The following MIPOL1 variants were observed in gnomAD, a reference collection of about 807,000 sequenced individuals.
MIPOL1 encodes the protein mirror-image polydactyly 1.
MIPOL1 carries 57 observed loss-of-function variants against 60.9 expected under a neutral mutation model. The observed-to-expected ratio is 0.94, with a 90% CI of 0.76 to 1.17. MIPOL1 has a LOEUF of 1.17. Among genes scored for constraint, MIPOL1 ranks in the 50% most tolerant of loss-of-function variants. The pLI is 0.00. For missense variants in MIPOL1, 551 were observed against 511.6 expected (o/e 1.08, Z -0.74); for synonymous variants, 179 against 168.8 (o/e 1.06, Z -0.47).
At chr14:37,460,124 T>C (rs1001865672) in intron 11 of MIPOL1, among the ~76,000 whole-genome samples, 1 of 146,486 alleles carries the variant, frequency 6.8e-6, no homozygotes, top group African/African-American at 2.6e-5. Flanking sequence ...AATAAAATTC[T>C]AGCAAAGCAA....
intron 11 of MIPOL1, among the ~76,000 whole-genome samples, chr14:37,468,571 G>A (rs573058794): frequency 2.0e-5 from 3 of 152,262 alleles, no homozygotes; most frequent in Admixed American, 6.5e-5. Context: ...ACAGATTCTT[G>A]TCATCCACTA....
At chr14:37,464,960 A>G (rs2094580992) in intron 11 of MIPOL1, among the ~76,000 whole-genome samples, 1 of 152,120 alleles carries the variant, frequency 6.6e-6, no homozygotes, top group African/African-American at 2.4e-5. Context: ...AACTTATTTC[A>G]GTGAAGTTTT....
chr14:37,370,495 G>GT (rs888571291), intron 10 of MIPOL1, among the ~76,000 whole-genome samples: 4 of 151,982 alleles, frequency 2.6e-5, no homozygotes, highest in East Asian at 1.9e-4. Flanking sequence ...TCTTAAATTT[G>GT]TTTTTTTGCT....
chr14:37,504,136 G>A (rs1316170491), intron 12 of MIPOL1: 1 of 152,114 alleles, frequency 6.6e-6, no homozygotes, highest in Non-Finnish European at 1.5e-5. Context: ...AAGAGACTTA[G>A]ACTCCCACAC....
intron 9 of MIPOL1, among the ~76,000 whole-genome samples, chr14:37,341,829 A>G (rs2090595665): frequency 6.6e-6 from 1 of 152,218 alleles, no homozygotes; most frequent in South Asian, 2.1e-4. Flanking sequence ...ATGTATACAT[A>G]CAGTAAAAAT....
At chr14:37,265,475 T>G (rs573058230) in intron 3 of MIPOL1, among the ~76,000 whole-genome samples, 22 of 152,242 alleles carry the variant, frequency 1.4e-4, no homozygotes, top group Admixed American at 1.3e-3. Flanking sequence ...ACACTGTAAG[T>G]TTTCAATGAA....
intron 1 of MIPOL1, among the ~76,000 whole-genome samples, chr14:37,224,444 C>G (rs565117958): frequency 6.6e-6 from 1 of 152,282 alleles, no homozygotes; most frequent in South Asian, 2.1e-4. Flanking sequence ...GATGGAGAGG[C>G]CTCACAATCG....
intron 11 of MIPOL1, among the ~76,000 whole-genome samples, chr14:37,447,245 C>G (rs2094351340): frequency 1.3e-5 from 2 of 151,904 alleles, no homozygotes; most frequent in Non-Finnish European, 2.9e-5. Context: ...AACATTAACC[C>G]TAACCTCACA....
At chr14:37,538,803 G>C (rs1476868868) in intron 12 of MIPOL1, among the ~76,000 whole-genome samples, 1 of 152,178 alleles carries the variant, frequency 6.6e-6, no homozygotes. Context: ...TTGAGAGTGA[G>C]ATCGCACATC....
intron 3 of MIPOL1, 87 bp from the exon 4 acceptor site, chr14:37,266,851 T>C: frequency 1.1e-6 from 1 of 896,954 alleles, no homozygotes; most frequent in South Asian, 1.6e-5. Context: ...CTAAAGAGTG[T>C]TTCCAAAAAT....
At chr14:37,450,263 GCA>G (rs1286949394) in intron 11 of MIPOL1, among the ~76,000 whole-genome samples, 3 of 152,186 alleles carry the variant, frequency 2.0e-5, no homozygotes, top group East Asian at 3.9e-4. Flanking sequence ...CCAGTTTGCT[GCA>G]CAGTTTTCAT....
At chr14:37,447,925 T>G (rs1025185894) in intron 11 of MIPOL1, among the ~76,000 whole-genome samples, 1 of 152,140 alleles carries the variant, frequency 6.6e-6, no homozygotes, top group Non-Finnish European at 1.5e-5. Flanking sequence ...GTAGGTGAAC[T>G]AAAGAGATCA....
chr14:37,411,979 C>T (rs547282428), intron 10 of MIPOL1, among the ~76,000 whole-genome samples: 1 of 152,158 alleles, frequency 6.6e-6, no homozygotes, highest in African/African-American at 2.4e-5. Context: ...TTTATCATTG[C>T]ATAATAATCC....
intron 9 of MIPOL1, among the ~76,000 whole-genome samples, chr14:37,331,736 T>A (rs778714888): frequency 2.6e-5 from 4 of 152,218 alleles, no homozygotes; most frequent in Non-Finnish European, 5.9e-5. Flanking sequence ...CAATTCTTTC[T>A]TTCCAGTTCG....
At chr14:37,485,164 G>A (rs1051468493) in intron 11 of MIPOL1, among the ~76,000 whole-genome samples, 2 of 152,114 alleles carry the variant, frequency 1.3e-5, no homozygotes, top group African/African-American at 4.8e-5. Context: ...CCCTGCAAAG[G>A]ACATGAACTC....
intron 1 of MIPOL1, among the ~76,000 whole-genome samples, chr14:37,210,852 A>C (rs1050515852): frequency 6.6e-6 from 1 of 152,204 alleles, no homozygotes; most frequent in Non-Finnish European, 1.5e-5. Context: ...TCTCTCCTAT[A>C]ATCCTAATTT....
intron 9 of MIPOL1, among the ~76,000 whole-genome samples, chr14:37,345,609 T>C (rs1018149825): frequency 6.6e-6 from 1 of 152,194 alleles, no homozygotes; most frequent in African/African-American, 2.4e-5. Context: ...GATCATTCTG[T>C]ACACTCTTGT....
intron 10 of MIPOL1, among the ~76,000 whole-genome samples, chr14:37,416,339 T>G (rs1488571043): frequency 6.6e-6 from 1 of 152,146 alleles, no homozygotes; most frequent in African/African-American, 2.4e-5. Context: ...TCACTTACAG[T>G]GGGGATACAT....
intron 11 of MIPOL1, among the ~76,000 whole-genome samples, chr14:37,426,424 C>T (rs551590283): frequency 6.6e-6 from 1 of 151,154 alleles, no homozygotes; most frequent in East Asian, 2.0e-4. Flanking sequence ...AAAAAATTAG[C>T]CAGGTGTAGT....
Sources: allele counts gnomAD v4.1 joint callset (sites outside exome capture counted in the v4.1 genomes callset), GRCh38; gene constraint gnomAD v4.1.1; transcripts MANE v1.5; gene names NCBI Gene and HGNC (gene_info 2026-07-23, HGNC 2026-07-21).